Variants in F2R observed in about 807,000 individuals in gnomAD.
F2R encodes the protein proteinase-activated receptor 1.
In F2R, 12 loss-of-function variants were observed where a neutral mutation model predicts 18.3. That is an observed-to-expected ratio of 0.66 (90% CI 0.42 to 1.06). The LOEUF is 1.06. F2R is among the 50% of genes least tolerant of loss of function. The pLI is 0.00. For synonymous variants in F2R, 210 were observed against 219.9 expected (o/e 0.95, Z 0.40); for missense variants, 438 against 530.8 (o/e 0.83, Z 1.72).
chr5:76,724,661 T>C (rs1748524560), intron 1 of F2R, among the ~76,000 whole-genome samples: 1 of 152,216 alleles, frequency 6.6e-6, no homozygotes, highest in South Asian at 2.1e-4. Flanking sequence ...ATGTATGAAA[T>C]GTTTCAATTC....
chr5:76,727,597 A>G (rs983026591), intron 1 of F2R, among the ~76,000 whole-genome samples: 1 of 152,116 alleles, frequency 6.6e-6, no homozygotes, highest in Admixed American at 6.5e-5. Flanking sequence ...ACCCTACACT[A>G]CCAGGCTCTG....
chr5:76,726,144 CTT>C (rs950643405), intron 1 of F2R, among the ~76,000 whole-genome samples: 36 of 152,280 alleles, frequency 2.4e-4, no homozygotes, highest in African/African-American at 7.7e-4. Context: ...AATCCCAGCA[CTT>C]TGGGAGGCTG....
At chr5:76,719,783 A>G (rs966079937) in intron 1 of F2R, among the ~76,000 whole-genome samples, 1 of 152,212 alleles carries the variant, frequency 6.6e-6, no homozygotes, top group African/African-American at 2.4e-5. Context: ...ATATAGAAGC[A>G]AAGTCTGTGC....
rs1051063431 is a variant in F2R, at chr5:76,716,161, T to C, written c.-147T>C. On this transcript the variant is annotated 5_prime_UTR_variant, in exon 1 of 2. Coordinates refer to ENST00000319211, the MANE Select transcript of F2R (RefSeq NM_001992.5). The stretch of plus-strand genomic sequence containing the variant: ...GACACAGCGCTCGCCGAGGGTCGCT[T>C]GGACCCTGATCTTACCCGTGGGCAC... The C allele has an allele frequency of 1.9e-6, 1 of 533,530 alleles. No homozygotes were observed. The allele number at this position is 533,530 out of a possible 1,614,324, so 33.0% of individuals were successfully genotyped here.
intron 1 of F2R, 26 bp downstream of exon 1, chr5:76,716,421 C>T: frequency 7.1e-7 from 1 of 1,413,344 alleles, no homozygotes; most frequent in Non-Finnish European, 9.2e-7. Flanking sequence ...GAATGGGGTG[C>T]GCGGGCGGAG....
intron 1 of F2R, among the ~76,000 whole-genome samples, chr5:76,731,474 A>C (rs923935170): frequency 2.0e-5 from 3 of 151,772 alleles, no homozygotes; most frequent in Admixed American, 1.3e-4. Flanking sequence ...ACTGTGTCTC[A>C]GAAAAAAAAA....
intron 1 of F2R, among the ~76,000 whole-genome samples, chr5:76,719,183 C>T (rs113032814): frequency 0.018 from 2,811 of 152,322 alleles, 38 homozygotes; most frequent in Non-Finnish European, 0.029. Context: ...TTCTTAGGGA[C>T]GTTACAATAC....
chr5:76,719,605 G>A (rs1412459038), intron 1 of F2R, among the ~76,000 whole-genome samples: 1 of 151,490 alleles, frequency 6.6e-6, no homozygotes, highest in Non-Finnish European at 1.5e-5. Context: ...AAAAAGAGGT[G>A]GAATTGGGAG....
intron 1 of F2R, chr5:76,716,653 G>T: frequency 1.3e-6 from 1 of 746,810 alleles, no homozygotes; most frequent in South Asian, 1.4e-5. Context: ...ATATGGAGGA[G>T]GATGGAGCGG....
chr5:76,733,325 A>AC lies in F2R; in HGVS notation c.1105dup (p.Leu369ProfsTer9). On this transcript the variant is annotated frameshift_variant, in exon 2 of 2. Coordinates refer to ENST00000319211, the MANE Select transcript of F2R (RefSeq NM_001992.5). LOFTEE classifies it high-confidence loss of function. ...GTCAGCAGCATAAGCTGCTGCATCGACCCCCTAATTTACTATTACGCTTCC... is the reference window on the plus strand; with the variant it reads ...GTCAGCAGCATAAGCTGCTGCATCGACCCCCCTAATTTACTATTACGCTTCC... The AC allele has an allele frequency of 6.2e-7, 1 of 1,613,982 alleles. No individual in the cohort carries two copies. The highest frequency in any genetic ancestry group is 2.2e-5 in the East Asian group (1 of 44,868).
chr5:76,732,974 A>G lies in F2R; in HGVS notation c.749A>G (p.Asn250Ser). ...KEQTIQVPGL[N>S]ITTCHDVLNE... is the part of the protein sequence containing the mutation. ...CAAACCATCCAGGTGCCCGGGCTCAACATCACTACCTGTCATGATGTGCTC... is the reference window on the plus strand; with the variant it reads ...CAAACCATCCAGGTGCCCGGGCTCAGCATCACTACCTGTCATGATGTGCTC... The change falls in exon 2 of 2, where the codon AAC (asparagine) becomes AGC (serine). Residue 250 changes from asparagine to serine, a missense_variant. Coordinates refer to ENST00000319211, the MANE Select transcript of F2R (RefSeq NM_001992.5). The G allele has an allele frequency of 1.9e-6, 3 of 1,614,134 alleles. No homozygotes were observed.
chr5:76,732,484 T>G lies in F2R; in HGVS notation c.259T>G (p.Phe87Val), dbSNP rs766831236. The stretch of plus-strand genomic sequence containing the variant: ...TCCTCTTCAAAAACAACTTCCTGCA[T>G]TCATCTCAGAAGATGCCTCCGGATA... ...SSPLQKQLPAFISEDASGYLT... is the reference protein window; with the variant it reads ...SSPLQKQLPAVISEDASGYLT... Residue 87 changes from phenylalanine to valine, a missense_variant, in exon 2 of 2, where the codon TTC becomes GTC. Physicochemically the swap from Phe to Val is conservative, Grantham distance 50 (BLOSUM62 -1). Coordinates refer to ENST00000319211, the MANE Select transcript of F2R (RefSeq NM_001992.5). The G allele has an allele frequency of 6.2e-7, 1 of 1,614,212 alleles. No homozygotes were observed. The highest frequency in any genetic ancestry group is 1.1e-5 in the South Asian group (1 of 91,088).
At chr5:76,718,055 G>C (rs906525420) in intron 1 of F2R, among the ~76,000 whole-genome samples, 5 of 152,204 alleles carry the variant, frequency 3.3e-5, no homozygotes, top group African/African-American at 4.8e-5. Flanking sequence ...AGGAGCGCTT[G>C]CTAAGTGCCA....
chr5:76,732,549 G>T lies in F2R; in HGVS notation c.324G>T (p.Val108=). 6.2e-7 allele frequency: 1 copy of T among 1,614,178 alleles called. No homozygotes were observed. The highest frequency in any genetic ancestry group is 1.1e-5 in the South Asian group (1 of 91,076). The change falls in exon 2 of 2, where the codon GTG becomes GTT. Residue 108 remains valine, a synonymous_variant. Transcript: ENST00000319211. ...SSWLTLFVPS[V]YTGVFVVSLP... is the part of the protein sequence containing the mutation. ...GGCTGACACTCTTTGTCCCATCTGT[G>T]TACACCGGAGTGTTTGTAGTCAGCC... is the stretch of plus-strand genomic sequence containing the variant.
intron 1 of F2R, among the ~76,000 whole-genome samples, chr5:76,721,790 A>G (rs1389625772): frequency 6.7e-6 from 1 of 149,996 alleles, no homozygotes; most frequent in East Asian, 1.9e-4. Flanking sequence ...GTTTTACCAA[A>G]CAGTGCTCAC....
chr5:76,727,351 G>A (rs1050397953), intron 1 of F2R, among the ~76,000 whole-genome samples: 2 of 152,206 alleles, frequency 1.3e-5, no homozygotes, highest in Non-Finnish European at 2.9e-5. Context: ...AGTGATCCCT[G>A]AACAGAGTCA....
At chr5:76,717,609 C>T in intron 1 of F2R, among the ~76,000 whole-genome samples, 1 of 152,146 alleles carries the variant, frequency 6.6e-6, no homozygotes, top group South Asian at 2.1e-4. Flanking sequence ...CAGTAACTAG[C>T]CTGCCTGCAG....
chr5:76,725,585 T>C (rs1006263716), intron 1 of F2R, among the ~76,000 whole-genome samples: 2 of 152,094 alleles, frequency 1.3e-5, no homozygotes, highest in African/African-American at 2.4e-5. Context: ...TCACCTTGCA[T>C]TGGTTTTGTC....
intron 1 of F2R, among the ~76,000 whole-genome samples, chr5:76,720,528 C>T (rs1213571131): frequency 1.3e-5 from 2 of 151,810 alleles, no homozygotes; most frequent in Non-Finnish European, 2.9e-5. Flanking sequence ...ATTCACATAA[C>T]ATAAAATTAA....
Sources: allele counts gnomAD v4.1 joint callset (sites outside exome capture counted in the v4.1 genomes callset), GRCh38; gene constraint gnomAD v4.1.1; transcripts MANE v1.5; gene names NCBI Gene and HGNC (gene_info 2026-07-23, HGNC 2026-07-21).